The following PHEX variants were observed in gnomAD, a reference collection of about 807,000 sequenced individuals.
PHEX encodes phosphate-regulating neutral endopeptidase PHEX.
PHEX carries 16 observed loss-of-function variants against 68.0 expected under a neutral mutation model. The ratio of observed to expected loss-of-function variants is 0.24; its 90% CI spans 0.16 to 0.36. PHEX has a LOEUF of 0.36. Among genes scored for constraint, PHEX ranks in the 10% least tolerant of loss-of-function variants. PHEX has a pLI of 1.00. For synonymous variants in PHEX, 208 were observed against 205.1 expected (o/e 1.01, Z -0.12); for missense variants, 480 against 575.5 (o/e 0.83, Z 1.70).
At chrX:22,118,929 A>T (rs1030456001) in intron 11 of PHEX, among the ~76,000 whole-genome samples, 5 of 112,471 alleles carry the variant, frequency 4.4e-5, no homozygotes, top group African/African-American at 1.3e-4. Flanking sequence ...AAAGCCACCA[A>T]AAGAGGTCAT....
At position 22,129,925 on chromosome X, in the gene PHEX, C is replaced by T. The variant is rs762618197; in HGVS notation, c.1303-3598C>T. ...TTAATTTGTCCAGACTTGCTGTCTT[C>T]GCTTCCCACACACTCTTCATCCCAC... On this transcript the variant is annotated intron_variant, in intron 11 of 21. Coordinates refer to ENST00000379374, the MANE Select transcript of PHEX (RefSeq NM_000444.6). 1.6e-4 allele frequency among the ~76,000 whole-genome samples: 18 copies of T among 111,711 alleles called. No individual in the cohort carries two copies. The East Asian group carries it at 2.8e-3, about 17-fold the overall frequency.
chrX:22,053,493 C>T (rs1436693479), intron 3 of PHEX, among the ~76,000 whole-genome samples: 1 of 111,530 alleles, frequency 9.0e-6, no homozygotes, highest in African/African-American at 3.3e-5. Context: ...CTATTCTCTC[C>T]AAGAAGTGAG....
chrX:22,190,021 T>G (rs755274766), intron 14 of PHEX, among the ~76,000 whole-genome samples: 2 of 112,064 alleles, frequency 1.8e-5, no homozygotes, highest in East Asian at 5.6e-4. Context: ...CCAGAACTTT[T>G]AAATGGACAG....
intron 14 of PHEX, among the ~76,000 whole-genome samples, chrX:22,179,081 G>A (rs952233947): frequency 2.7e-5 from 3 of 111,723 alleles, no homozygotes; most frequent in Admixed American, 1.9e-4. Flanking sequence ...TATAGGTACT[G>A]TTATCCCCAT....
At chrX:22,238,017 C>T (rs945160228) in intron 20 of PHEX, among the ~76,000 whole-genome samples, 4 of 112,685 alleles carry the variant, frequency 3.5e-5, no homozygotes, top group African/African-American at 6.4e-5. Context: ...CGGGCATGGC[C>T]TGTAATCCCA....
At chrX:22,183,497 C>T (rs1435306299) in intron 14 of PHEX, among the ~76,000 whole-genome samples, 2 of 102,401 alleles carry the variant, frequency 2.0e-5, no homozygotes, top group African/African-American at 6.7e-5. Flanking sequence ...TTGGTTCTTT[C>T]CTCTCATCAC....
chrX:22,188,653 A>T (rs1469482914), intron 14 of PHEX, among the ~76,000 whole-genome samples: 1 of 112,306 alleles, frequency 8.9e-6, no homozygotes, highest in Non-Finnish European at 1.9e-5. Flanking sequence ...GTAAATATTT[A>T]TGGGGTACAT....
chrX:22,097,324 G>A lies in PHEX; in HGVS notation c.933+286G>A, dbSNP rs73636804. Among the ~76,000 whole-genome samples the A allele has an allele frequency of 0.084, 9,456 of 112,026 alleles. 662 individuals are homozygous for A. The highest frequency in any genetic ancestry group is 0.23 in the African/African-American group (7,059 of 30,714). On this transcript the variant is annotated intron_variant, in intron 8 of 21. Coordinates refer to ENST00000379374, the MANE Select transcript of PHEX (RefSeq NM_000444.6). ...TTGGCATTGGCTCAGCTGTTTAACA[G>A]TGTTGTCAAAGGCCCAAGTTCTTTC...
At chrX:22,213,341 G>C (rs5951727) in intron 16 of PHEX, among the ~76,000 whole-genome samples, 33,501 of 110,815 alleles carry the variant, frequency 0.3, 3,843 homozygotes, top group Middle Eastern at 0.37. Flanking sequence ...ATGGCAGAGT[G>C]TAGTTTGGCT....
chrX:22,051,943 ATTTC>A lies in PHEX; in HGVS notation c.349+4736_349+4739del, dbSNP rs201917014. Reference sequence around the variant, plus strand: ...AAATGTCAAATGTGCTAAAAATCTTATTTCTTTTCCTGAAACACTGAATCTTTAA... The same window carrying A: ...AAATGTCAAATGTGCTAAAAATCTTATTTTCCTGAAACACTGAATCTTTAA... On this transcript the variant is annotated intron_variant, in intron 3 of 21. Transcript: ENST00000379374. Among the ~76,000 whole-genome samples, 644 of 111,850 alleles carry A rather than the reference ATTTC, an allele frequency of 5.8e-3. 5 individuals carry two copies. The highest frequency in any genetic ancestry group is 0.02 in the African/African-American group (603 of 30,906).
chrX:22,204,927 ATAAC>A (rs1329953175), intron 15 of PHEX, among the ~76,000 whole-genome samples: 1 of 111,781 alleles, frequency 8.9e-6, no homozygotes, highest in Admixed American at 9.5e-5. Context: ...TGAAAAAAAA[ATAAC>A]TGTCACAACT....
chrX:22,249,455 A>AATATATATATATATATATATATATAT lies in PHEX; in HGVS notation c.*1509_*1534dup, dbSNP rs1198426834. On this transcript the variant is annotated 3_prime_UTR_variant, in exon 22 of 22. Transcript: ENST00000379374. ...TTGTGATTCTTTTAAAAAAAAAAAA[A>AATATATATATATATATATATATATAT]ATATATATATATATATATATATATA... 5.0e-5 allele frequency: 2 copies of AATATATATATATATATATATATATAT among 39,752 alleles called. No individual in the cohort carries two copies. Among genetic ancestry groups the AATATATATATATATATATATATATAT allele is most frequent in the South Asian group, 1.3e-3 (1 of 795 alleles). The allele number at this position is 39,752 out of a possible 1,213,427, so 3.3% of individuals were successfully genotyped here.
chrX:22,055,174 C>CAAAAAA lies in PHEX; in HGVS notation c.349+7999_349+8004dup, dbSNP rs111628195. Reference sequence around the variant, plus strand: ...CGGGCAACAGAGAGAGACTCCAGCTCAAAAAAAAAAAAAAAAAAAAAAAAA... The same window carrying CAAAAAA: ...CGGGCAACAGAGAGAGACTCCAGCTCAAAAAAAAAAAAAAAAAAAAAAAAAAAAAAA... On this transcript the variant is annotated intron_variant, in intron 3 of 21. Coordinates refer to ENST00000379374, the MANE Select transcript of PHEX (RefSeq NM_000444.6). Among the ~76,000 whole-genome samples, 33 of 66,096 alleles carry CAAAAAA rather than the reference C, an allele frequency of 5.0e-4. 1 individual carries two copies. The highest frequency in any genetic ancestry group is 6.3e-4 in the Non-Finnish European group (21 of 33,162). The allele number at this position is 66,096 out of a possible 115,157, so 57.4% of individuals were successfully genotyped here. A position where few individuals can be genotyped will look rare whatever the true frequency, so the allele number is the denominator to read the frequency against.
chrX:22,188,161 T>C (rs1393535700), intron 14 of PHEX, among the ~76,000 whole-genome samples: 1 of 112,608 alleles, frequency 8.9e-6, no homozygotes, highest in Non-Finnish European at 1.9e-5. Context: ...TAGTTTCATA[T>C]TAACCTGATA....
intron 16 of PHEX, among the ~76,000 whole-genome samples, chrX:22,216,177 A>G (rs1935080453): frequency 8.9e-6 from 1 of 111,919 alleles, no homozygotes; most frequent in South Asian, 3.7e-4. Flanking sequence ...GTTGGAGTAG[A>G]TGACCTCTAA....
At chrX:22,054,961 A>G (rs6633509) in intron 3 of PHEX, among the ~76,000 whole-genome samples, 4 of 106,068 alleles carry the variant, frequency 3.8e-5, no homozygotes, top group African/African-American at 1.4e-4. Flanking sequence ...GTCACTTGAG[A>G]TCAGGAGTTC....
At chrX:22,123,181 G>T (rs770577440) in intron 11 of PHEX, among the ~76,000 whole-genome samples, 72 of 108,765 alleles carry the variant, frequency 6.6e-4, no homozygotes, top group Middle Eastern at 4.7e-3. Context: ...TAGAGATGGG[G>T]CTTTGGCGTG....
intron 15 of PHEX, among the ~76,000 whole-genome samples, chrX:22,194,056 CA>C (rs1229436907): frequency 9.0e-6 from 1 of 111,654 alleles, no homozygotes; most frequent in African/African-American, 3.3e-5. Flanking sequence ...ATAATAGTTC[CA>C]TCTCCAGGGT....
chrX:22,190,441 C>T lies in PHEX; in HGVS notation c.1587-3C>T. 1 of 1,182,635 alleles carries T rather than the reference C, an allele frequency of 8.5e-7. No individual in the cohort carries two copies. Among genetic ancestry groups the T allele is most frequent in the Non-Finnish European group, 1.2e-6 (1 of 868,832 alleles). Reference sequence around the variant, plus strand: ...TCTCTGGCATTTGTTTCTTTTTCTACAGGTGGTTTACAAATCCGACGACTG... The same window carrying T: ...TCTCTGGCATTTGTTTCTTTTTCTATAGGTGGTTTACAAATCCGACGACTG... On this transcript the variant is annotated splice_polypyrimidine_tract_variant and splice_region_variant and intron_variant, in intron 14 of 21. Coordinates refer to ENST00000379374, the MANE Select transcript of PHEX (RefSeq NM_000444.6).
Sources: gnomAD v4.1 joint callset for allele counts (sites outside exome capture counted in the v4.1 genomes callset) on GRCh38, gnomAD v4.1.1 for gene constraint, MANE v1.5 for transcripts, NCBI Gene and HGNC (gene_info 2026-07-23, HGNC 2026-07-21) for gene names.